The following TTL variants were observed in gnomAD, a reference collection of about 807,000 sequenced individuals.
TTL encodes tubulin tyrosine ligase.
TTL carries 10 observed loss-of-function variants against 41.1 expected under a neutral mutation model. The ratio of observed to expected loss-of-function variants is 0.24; its 90% confidence interval spans 0.15 to 0.41. The LOEUF (loss-of-function observed/expected upper bound fraction) is 0.41. TTL is among the 10% of genes least tolerant of loss of function. TTL has a pLI of 1.00. For missense variants in TTL, 367 were observed against 460.4 expected (o/e 0.80, Z 1.86); for synonymous variants, 175 against 175.5 (o/e 1.00, Z 0.02).
chr2:112,520,048 T>C (rs538237421), intron 5 of TTL, among the ~76,000 whole-genome samples: 1 of 148,902 alleles, frequency 6.7e-6, no homozygotes, highest in Non-Finnish European at 1.5e-5. Context: ...GAGAATCTCT[T>C]GAACCCAGGA....
chr2:112,514,608 G>T (rs562021050), intron 5 of TTL, among the ~76,000 whole-genome samples: 1 of 152,156 alleles, frequency 6.6e-6, no homozygotes, highest in Admixed American at 6.6e-5. Flanking sequence ...TCTTAGTATT[G>T]CTCTTAATGT....
Position 112,528,666 on chromosome 2 carries a change from A to G in TTL, c.1020-15A>G, listed in dbSNP as rs1460714708. The G allele has an allele frequency of 6.2e-7, 1 of 1,600,722 alleles. No homozygotes were observed. Among genetic ancestry groups the G allele is most frequent in the Admixed American group, 1.7e-5 (1 of 59,128 alleles). On this transcript the variant is annotated splice_polypyrimidine_tract_variant and intron_variant, in intron 6 of 6. Transcript: ENST00000233336. ...GATGAACATCCTCAATGATATTTTT[A>G]AAAACACATTTCAGGAAGCTCTATG...
intron 5 of TTL, among the ~76,000 whole-genome samples, chr2:112,514,104 C>T (rs961592736): frequency 6.6e-6 from 1 of 152,028 alleles, no homozygotes; most frequent in African/African-American, 2.4e-5. Context: ...CATTTTTAGG[C>T]CAGGCGCGGC....
chr2:112,523,350 CTGTGTGTGTG>C (rs60321232), intron 6 of TTL, among the ~76,000 whole-genome samples: 1 of 149,760 alleles, frequency 6.7e-6, no homozygotes, highest in Middle Eastern at 3.2e-3. Flanking sequence ...GTGTGTGTGT[CTGTGTGTGTG>C]TGTGTGTGTG....
intron 5 of TTL, among the ~76,000 whole-genome samples, chr2:112,518,849 A>G (rs969286869): frequency 1.3e-5 from 2 of 151,962 alleles, no homozygotes; most frequent in South Asian, 4.2e-4. Flanking sequence ...TAATTTTTGT[A>G]ATTTTAGTAG....
intron 1 of TTL, among the ~76,000 whole-genome samples, chr2:112,484,349 T>A (rs983718759): frequency 4.0e-5 from 6 of 151,046 alleles, no homozygotes; most frequent in Non-Finnish European, 8.9e-5. Flanking sequence ...CTGCAACCTC[T>A]CCCTCCTGGG....
chr2:112,533,654 TTAAC>T lies in TTL; in HGVS notation c.*4862_*4865del, dbSNP rs1330269763. ...AGAGGAATGGAGTCTAACTCACCCTTTAACTAGCAACCCATTCCTGTGATAACTA... is the reference window on the plus strand; with the variant it reads ...AGAGGAATGGAGTCTAACTCACCCTTTAGCAACCCATTCCTGTGATAACTA... On this transcript the variant is annotated 3_prime_UTR_variant, in exon 7 of 7. Coordinates refer to ENST00000233336, the MANE Select transcript of TTL (RefSeq NM_153712.5). 1.3e-5 allele frequency: 2 copies of T among 152,176 alleles called. No homozygotes were observed. Among genetic ancestry groups the T allele is most frequent in the Non-Finnish European group, 2.9e-5 (2 of 68,034 alleles). 9.4% of individuals were successfully genotyped at this position (152,176 alleles called of 1,614,324 possible).
chr2:112,519,681 ATCT>A (rs1381879302), intron 5 of TTL, among the ~76,000 whole-genome samples: 2 of 152,084 alleles, frequency 1.3e-5, no homozygotes, highest in African/African-American at 4.8e-5. Flanking sequence ...TGTTGGAAGA[ATCT>A]TCATTTACAG....
rs763874618 is a variant in TTL, at chr2:112,482,513, C to T, written c.157+12C>T. ...CTTCGGGAGACTGGGTGAGCCCCTCCCCGATTCCCGTCTGCCCTCCTCGGA... is the reference window on the plus strand; with the variant it reads ...CTTCGGGAGACTGGGTGAGCCCCTCTCCGATTCCCGTCTGCCCTCCTCGGA... On this transcript the variant is annotated intron_variant, in intron 1 of 6. Coordinates refer to ENST00000233336, the MANE Select transcript of TTL (RefSeq NM_153712.5). This position sits in a 1 kb window ranked among gnomAD's most constrained non-coding sequence, Gnocchi z 5.3. 1.9e-6 allele frequency: 3 copies of T among 1,589,278 alleles called. No homozygotes were observed. The highest frequency in any genetic ancestry group is 2.6e-6 in the Non-Finnish European group (3 of 1,166,866).
Position 112,528,833 on chromosome 2 carries a change from G to C in TTL, c.*38G>C, listed in dbSNP as rs961687794. The C allele has an allele frequency of 1.3e-6, 2 of 1,488,692 alleles. No individual in the cohort carries two copies. The highest frequency in any genetic ancestry group is 1.9e-6 in the Non-Finnish European group (2 of 1,065,842). 92.2% of individuals were successfully genotyped at this position (1,488,692 alleles called of 1,614,324 possible). On this transcript the variant is annotated 3_prime_UTR_variant, in exon 7 of 7. Coordinates refer to ENST00000233336, the MANE Select transcript of TTL (RefSeq NM_153712.5). ...CCTGCTGCCTTGGAAAAAGCACGGGGTCCTGCTCCAGGGAATGGTGAAATG... is the reference window on the plus strand; with the variant it reads ...CCTGCTGCCTTGGAAAAAGCACGGGCTCCTGCTCCAGGGAATGGTGAAATG...
At position 112,482,296 on chromosome 2, in the gene TTL, C is replaced by T; in HGVS notation, c.-49C>T. ...CGCGCTGAGCCGCCTTCTCGGCCGC[C>T]TGGTCCCTGCGGCGGCTGCCCGGCG... On this transcript the variant is annotated 5_prime_UTR_variant, in exon 1 of 7. Coordinates refer to ENST00000233336, the MANE Select transcript of TTL (RefSeq NM_153712.5). This position sits in a 1 kb window ranked among gnomAD's most constrained non-coding sequence, Gnocchi z 5.3. The T allele has an allele frequency of 7.4e-7, 1 of 1,357,818 alleles. No individual in the cohort carries two copies. Among genetic ancestry groups the T allele is most frequent in the Middle Eastern group, 2.2e-4 (1 of 4,612 alleles). 84.1% of individuals were successfully genotyped at this position (1,357,818 alleles called of 1,614,324 possible).
chr2:112,493,789 A>AT (rs1252294584), intron 2 of TTL, among the ~76,000 whole-genome samples: 1 of 151,924 alleles, frequency 6.6e-6, no homozygotes, highest in Admixed American at 6.6e-5. Flanking sequence ...TCTCTTCCCC[A>AT]TTTCATTTTT....
At chr2:112,527,910 A>G (rs1007245087) in intron 6 of TTL, among the ~76,000 whole-genome samples, 8 of 152,178 alleles carry the variant, frequency 5.3e-5, no homozygotes, top group Admixed American at 1.3e-4. Flanking sequence ...CCTAGCATCT[A>G]TGGTCTTTAC....
intron 3 of TTL, among the ~76,000 whole-genome samples, chr2:112,498,531 T>C (rs1043566763): frequency 6.6e-6 from 1 of 152,212 alleles, no homozygotes; most frequent in East Asian, 1.9e-4. Flanking sequence ...CAGTTCACCC[T>C]AAACTGGTCT....
intron 5 of TTL, among the ~76,000 whole-genome samples, chr2:112,511,253 C>T (rs974965499): frequency 1.3e-5 from 2 of 151,878 alleles, no homozygotes; most frequent in African/African-American, 4.8e-5. Context: ...AAGCAATTCT[C>T]CCATCTTGGC....
intron 5 of TTL, among the ~76,000 whole-genome samples, chr2:112,517,156 CAAAA>C (rs33990458): frequency 1.9e-4 from 20 of 105,596 alleles, no homozygotes; most frequent in Admixed American, 9.9e-4. Context: ...GAGCTTTCAG[CAAAA>C]AAAAAAAAAA....
intron 3 of TTL, among the ~76,000 whole-genome samples, chr2:112,497,066 C>T (rs1450421682): frequency 1.3e-5 from 2 of 151,782 alleles, no homozygotes; most frequent in African/African-American, 4.8e-5. Flanking sequence ...GTGATCCGCC[C>T]GCCTCAGCCT....
At chr2:112,527,624 A>G (rs985369240) in intron 6 of TTL, among the ~76,000 whole-genome samples, 1 of 152,176 alleles carries the variant, frequency 6.6e-6, no homozygotes, top group Non-Finnish European at 1.5e-5. Context: ...ATCAGAGACT[A>G]GGATTGCAAC....
chr2:112,496,826 A>G (rs1322031347), intron 3 of TTL, among the ~76,000 whole-genome samples: 3 of 142,764 alleles, frequency 2.1e-5, no homozygotes, highest in Middle Eastern at 3.6e-3. Context: ...TCCCAACTCA[A>G]CCTCTTTTTT....
Sources: allele counts gnomAD v4.1 joint callset (sites outside exome capture counted in the v4.1 genomes callset), GRCh38; gene constraint gnomAD v4.1.1; non-coding constraint Gnocchi (gnomAD v3.1); transcripts MANE v1.5; gene names NCBI Gene and HGNC (gene_info 2026-07-23, HGNC 2026-07-21).